Variants in PLCH1 observed in about 807,000 individuals in gnomAD.
PLCH1 encodes the protein phospholipase C eta 1.
In PLCH1, 60 loss-of-function variants were observed where a neutral mutation model predicts 126.7. That is an observed-to-expected ratio of 0.47 (90% CI 0.38 to 0.59). The LOEUF is 0.59. Among genes scored for constraint, PLCH1 ranks in the 20% least tolerant of loss-of-function variants. The probability of loss-of-function intolerance (pLI) is 0.00; values close to 1 mark genes in which losing one functional copy is unlikely to be tolerated. For missense variants in PLCH1, 1,723 were observed against 2,040.0 expected (o/e 0.84, Z 2.99); for synonymous variants, 719 against 734.9 (o/e 0.98, Z 0.35).
At chr3:155,574,311 T>C (rs530775450) in intron 6 of PLCH1, among the ~76,000 whole-genome samples, 1 of 152,156 alleles carries the variant, frequency 6.6e-6, no homozygotes, top group Admixed American at 6.5e-5. Context: ...CCTAACCATA[T>C]CTTAAACAGA....
intron 2 of PLCH1, among the ~76,000 whole-genome samples, chr3:155,646,133 A>G (rs541970481): frequency 1.3e-5 from 2 of 152,348 alleles, no homozygotes; most frequent in Admixed American, 1.3e-4. Context: ...CGATCTCTAG[A>G]AATCAGCTAA....
intron 10 of PLCH1, among the ~76,000 whole-genome samples, chr3:155,545,178 A>C (rs1725053907): frequency 6.6e-6 from 1 of 151,834 alleles, no homozygotes; most frequent in Non-Finnish European, 1.5e-5. Context: ...AGAATCAAAT[A>C]GACGCAATAA....
chr3:155,564,791 A>C, intron 8 of PLCH1, 124 bp downstream of exon 8: 1 of 620,722 alleles, frequency 1.6e-6, no homozygotes, highest in Non-Finnish European at 2.9e-6. Context: ...TACAATGAGC[A>C]GAAAAGTAGT....
At chr3:155,704,114 A>T in intron 2 of PLCH1, 32 bp downstream of exon 2, 3 of 981,134 alleles carry the variant, frequency 3.1e-6, no homozygotes, top group Middle Eastern at 3.7e-4. Context: ...AAAATAAAAG[A>T]TCCAACTACA....
At chr3:155,566,101 A>C (rs1030140615) in intron 7 of PLCH1, among the ~76,000 whole-genome samples, 10 of 143,530 alleles carry the variant, frequency 7.0e-5, no homozygotes, top group African/African-American at 2.6e-4. Flanking sequence ...ATATAACCTA[A>C]TATATATATA....
chr3:155,677,325 CTG>C (rs1243462331), intron 2 of PLCH1, among the ~76,000 whole-genome samples: 1 of 152,220 alleles, frequency 6.6e-6, no homozygotes, highest in African/African-American at 2.4e-5. Context: ...TCCAATTCAC[CTG>C]TGTCCCAATT....
chr3:155,704,966 G>A (rs184255425), intron 1 of PLCH1, among the ~76,000 whole-genome samples: 2 of 152,278 alleles, frequency 1.3e-5, no homozygotes, highest in Admixed American at 6.5e-5. Flanking sequence ...GATCTGAGTC[G>A]ATGAATTAAA....
chr3:155,525,733 T>G (rs1721809025), intron 10 of PLCH1, among the ~76,000 whole-genome samples: 1 of 152,130 alleles, frequency 6.6e-6, no homozygotes, highest in South Asian at 2.1e-4. Flanking sequence ...CAACACACTT[T>G]AAAAATGAGG....
chr3:155,560,124 G>C (rs1727372734), intron 8 of PLCH1, among the ~76,000 whole-genome samples: 1 of 152,182 alleles, frequency 6.6e-6, no homozygotes. Flanking sequence ...GAGCAGAAGA[G>C]ACAGAATTAA....
chr3:155,681,530 A>G (rs1744535775), intron 2 of PLCH1, among the ~76,000 whole-genome samples: 1 of 152,198 alleles, frequency 6.6e-6, no homozygotes, highest in Non-Finnish European at 1.5e-5. Context: ...TCTTCACCAG[A>G]TAAGGTAATA....
intron 2 of PLCH1, among the ~76,000 whole-genome samples, chr3:155,620,254 C>T (rs1323603490): frequency 6.6e-6 from 1 of 152,166 alleles, no homozygotes; most frequent in Non-Finnish European, 1.5e-5. Flanking sequence ...CAGCATTAAA[C>T]TATAACCCTC....
chr3:155,502,113 C>T (rs1049099202), intron 13 of PLCH1, among the ~76,000 whole-genome samples: 31 of 152,232 alleles, frequency 2.0e-4, no homozygotes, highest in African/African-American at 6.5e-4. Context: ...GAAACTTCTC[C>T]GGCATTATTT....
intron 18 of PLCH1, among the ~76,000 whole-genome samples, chr3:155,491,846 G>A (rs1412344012): frequency 6.6e-6 from 1 of 152,048 alleles, no homozygotes; most frequent in Non-Finnish European, 1.5e-5. Flanking sequence ...ATCAAGCTAT[G>A]CATGTTTGAT....
chr3:155,584,190 C>G (rs1384695010), intron 5 of PLCH1, among the ~76,000 whole-genome samples: 2 of 151,986 alleles, frequency 1.3e-5, no homozygotes, highest in African/African-American at 4.8e-5. Context: ...AAACCAAAGC[C>G]CGATTTCTAA....
chr3:155,633,412 TCACA>T (rs59152066), intron 2 of PLCH1, among the ~76,000 whole-genome samples: 286 of 142,426 alleles, frequency 2.0e-3, no homozygotes, highest in Middle Eastern at 7.4e-3. Context: ...TTATATAACA[TCACA>T]CACACACACA....
chr3:155,672,039 A>C (rs1743523053), intron 2 of PLCH1, among the ~76,000 whole-genome samples: 1 of 152,208 alleles, frequency 6.6e-6, no homozygotes. Context: ...AATCATAAAA[A>C]TAAACCTACC....
At chr3:155,466,934 G>A (rs1712949397) in intron 21 of PLCH1, among the ~76,000 whole-genome samples, 1 of 152,004 alleles carries the variant, frequency 6.6e-6, no homozygotes, top group South Asian at 2.1e-4. Flanking sequence ...CAGGCTATTT[G>A]AAAATATATA....
intron 10 of PLCH1, among the ~76,000 whole-genome samples, chr3:155,545,385 G>A (rs1293649128): frequency 2.7e-5 from 4 of 145,872 alleles, no homozygotes; most frequent in Non-Finnish European, 6.0e-5. Context: ...CTGAAATTGT[G>A]TCAATAATCA....
rs137867320 is a variant in PLCH1 at position 155,494,444 on chromosome 3, G to T, written c.1968C>A (p.Phe656Leu). The T allele has an allele frequency of 6.2e-7, 1 of 1,613,578 alleles. No homozygotes were observed. The highest frequency in any genetic ancestry group is 2.2e-5 in the East Asian group (1 of 44,878). The change falls in exon 16 of 23, where the codon TTC becomes TTA. Residue 656 changes from phenylalanine (F) to leucine (L), a missense_variant. Phe to Leu is a conservative substitution (Grantham distance 22, BLOSUM62 0). Coordinates refer to ENST00000460012, the MANE Select transcript of PLCH1 (RefSeq NM_014996.4). ...TGAGTTGCTTTTGATTATAAATCAT[G>T]AACTGCTCTGATTTTTGCTGAACAA... Reference protein sequence around the residue: ...HQVVQQKSEQFMIYNQKQLTR... With the variant: ...HQVVQQKSEQLMIYNQKQLTR...
Sources: gnomAD v4.1 joint callset for allele counts (sites outside exome capture counted in the v4.1 genomes callset) on GRCh38, gnomAD v4.1.1 for gene constraint, MANE v1.5 for transcripts, NCBI Gene and HGNC (gene_info 2026-07-23, HGNC 2026-07-21) for gene names.